The following VGLL4 variants were observed in gnomAD, a reference collection of about 807,000 sequenced individuals.
VGLL4 encodes transcription cofactor vestigial-like protein 4.
In VGLL4, 7 loss-of-function variants were observed where a neutral mutation model predicts 21.0. The ratio of observed to expected loss-of-function variants is 0.33; its 90% confidence interval spans 0.19 to 0.63. The LOEUF is 0.63. Ranked by LOEUF, VGLL4 falls within the 20% of genes least tolerant of loss-of-function variation. The pLI is 0.78. For synonymous variants in VGLL4, 222 were observed against 173.2 expected (o/e 1.28, Z -2.21); for missense variants, 394 against 425.7 (o/e 0.93, Z 0.66).
At chr3:11,600,660 G>C (rs1251645871) in intron 2 of VGLL4, among the ~76,000 whole-genome samples, 1 of 152,174 alleles carries the variant, frequency 6.6e-6, no homozygotes, top group East Asian at 1.9e-4. Flanking sequence ...AGTCCAAGCT[G>C]ACTGGAACGA....
chr3:11,579,167 C>T lies in VGLL4; in HGVS notation c.273-14148G>A, dbSNP rs1037853208. Among the ~76,000 whole-genome samples, 6 of 149,440 alleles carry T rather than the reference C, an allele frequency of 4.0e-5. No homozygotes were observed. In the South Asian group the frequency reaches 6.4e-4, roughly 16 times the overall value. On this transcript the variant is annotated intron_variant, in intron 2 of 4. Coordinates refer to ENST00000430365, the MANE Select transcript of VGLL4 (RefSeq NM_001128219.3). ...CTGAGCATCCAGGTAGTCAGGGCTA[C>T]GCTCCATCTTTCCAAAACTAGGGGG...
intron 2 of VGLL4, among the ~76,000 whole-genome samples, chr3:11,691,354 T>A (rs921901357): frequency 6.6e-6 from 1 of 151,848 alleles, no homozygotes; most frequent in Non-Finnish European, 1.5e-5. Flanking sequence ...TCTTGAGTAG[T>A]CAGAAAAGCT....
intron 2 of VGLL4, chr3:11,671,295 G>A (rs766052083): frequency 2.1e-5 from 33 of 1,593,044 alleles, no homozygotes; most frequent in Non-Finnish European, 2.7e-5. Flanking sequence ...CAACTTTTGA[G>A]TGCACAGGAC....
At chr3:11,592,589 C>G (rs910962519) in intron 2 of VGLL4, among the ~76,000 whole-genome samples, 10 of 152,208 alleles carry the variant, frequency 6.6e-5, no homozygotes, top group African/African-American at 2.4e-4. Context: ...AGTGCTTAGG[C>G]TGCATCGTCC....
intron 1 of VGLL4, among the ~76,000 whole-genome samples, chr3:11,631,314 C>G (rs1360264168): frequency 2.6e-5 from 4 of 152,138 alleles, no homozygotes; most frequent in Non-Finnish European, 5.9e-5. Flanking sequence ...ACAATAAATA[C>G]AGAATAATGG....
rs774960701 is a variant in VGLL4 at position 11,558,527 on chromosome 3, T to G, written c.*29A>C. 9 of 1,412,384 alleles carry G rather than the reference T, an allele frequency of 6.4e-6. No homozygotes were observed. The highest frequency in any genetic ancestry group is 8.5e-6 in the Non-Finnish European group (9 of 1,062,956). 87.5% of individuals were successfully genotyped at this position (1,412,384 alleles called of 1,614,324 possible). On this transcript the variant is annotated 3_prime_UTR_variant, in exon 5 of 5. Transcript: ENST00000430365. ...TCAAAGCTCAGGCAAACCATGCAGA[T>G]CCACGTGTTGTTGGAGGAGGCGCTC... is the stretch of plus-strand genomic sequence containing the variant.
At chr3:11,646,528 T>C (rs1559921716), upstream of VGLL4, among the ~76,000 whole-genome samples, 1 of 151,980 alleles carries the variant, frequency 6.6e-6, no homozygotes, top group Non-Finnish European at 1.5e-5. Context: ...GCAGTCAAGG[T>C]TGAGAACCAT....
chr3:11,581,812 C>G (rs917908379), intron 2 of VGLL4, among the ~76,000 whole-genome samples: 3 of 151,934 alleles, frequency 2.0e-5, no homozygotes, highest in African/African-American at 4.9e-5. Flanking sequence ...AAACATACCC[C>G]CTTTTGGAGG....
chr3:11,654,313 C>G (rs1163800938), intron 2 of VGLL4, among the ~76,000 whole-genome samples: 1 of 152,174 alleles, frequency 6.6e-6, no homozygotes, highest in African/African-American at 2.4e-5. Context: ...CTCCATGGCA[C>G]AGTGCATATC....
In VGLL4 at chr3:11,663,994, G is replaced by A. The variant is rs150422821; in HGVS notation, c.64+38977C>T. On this transcript the variant is annotated intron_variant, in intron 2 of 5. Transcript: ENST00000273038. ...AGGCTGGGCGCAGTGGCTCACAGCT[G>A]TAACCCCAGCATTTTGGGAGTCCAA... Among the ~76,000 whole-genome samples, 8 of 152,308 alleles carry A rather than the reference G, an allele frequency of 5.3e-5. No individual in the cohort carries two copies. The East Asian group carries it at 1.5e-3, about 30-fold the overall frequency.
intron 2 of VGLL4, among the ~76,000 whole-genome samples, chr3:11,677,702 A>G (rs2076311343): frequency 6.6e-6 from 1 of 152,066 alleles, no homozygotes; most frequent in Admixed American, 6.6e-5. Flanking sequence ...GCACTTTGGG[A>G]AGCTGAGGTG....
At chr3:11,591,393 C>T (rs1202134062) in intron 2 of VGLL4, among the ~76,000 whole-genome samples, 2 of 152,256 alleles carry the variant, frequency 1.3e-5, no homozygotes, top group Non-Finnish European at 2.9e-5. Flanking sequence ...AGCCTTTGTT[C>T]TGCTTCTCTG....
chr3:11,570,504 C>T (rs2073733213), intron 2 of VGLL4, among the ~76,000 whole-genome samples: 1 of 152,186 alleles, frequency 6.6e-6, no homozygotes, highest in Non-Finnish European at 1.5e-5. Flanking sequence ...ACTGCAGCCC[C>T]CACGCCCTAA....
chr3:11,690,909 G>GA (rs1443426120), intron 2 of VGLL4, among the ~76,000 whole-genome samples: 3 of 152,020 alleles, frequency 2.0e-5, no homozygotes, highest in African/African-American at 7.2e-5. Context: ...CCAAGTCAAC[G>GA]AGTATTTCAT....
At chr3:11,633,439 C>G (rs1178416686) in intron 1 of VGLL4, 1 of 152,544 alleles carries the variant, frequency 6.6e-6, no homozygotes, top group African/African-American at 2.4e-5. Flanking sequence ...GAGGCCAAGG[C>G]GGGCAAGATC....
At chr3:11,619,979 C>T (rs1322726653) in intron 1 of VGLL4, among the ~76,000 whole-genome samples, 5 of 152,136 alleles carry the variant, frequency 3.3e-5, no homozygotes, top group Non-Finnish European at 5.9e-5. Context: ...TGGGTTTCTC[C>T]TCCCTATAGT....
chr3:11,582,485 A>G (rs1478625135), intron 2 of VGLL4: 9 of 1,001,212 alleles, frequency 9.0e-6, no homozygotes, highest in Admixed American at 5.6e-5. Flanking sequence ...AAAGTTTCCT[A>G]TGGGTCCTGG....
At chr3:11,675,423 C>G (rs1354568526) in intron 2 of VGLL4, among the ~76,000 whole-genome samples, 2 of 152,098 alleles carry the variant, frequency 1.3e-5, no homozygotes, top group African/African-American at 4.8e-5. Flanking sequence ...GTGCTTACTA[C>G]ATTCAGGGGT....
At chr3:11,594,016 A>G (rs899450760) in intron 2 of VGLL4, among the ~76,000 whole-genome samples, 2 of 152,218 alleles carry the variant, frequency 1.3e-5, no homozygotes, top group African/African-American at 4.8e-5. Context: ...ACTGCTGATC[A>G]AAGAGAGGAT....
Sources: gnomAD v4.1 joint callset for allele counts (sites outside exome capture counted in the v4.1 genomes callset) on GRCh38, gnomAD v4.1.1 for gene constraint, MANE v1.5 for transcripts, NCBI Gene and HGNC (gene_info 2026-07-23, HGNC 2026-07-21) for gene names.